SLC35F3: variants seen among roughly 807,000 people sequenced by gnomAD.
SLC35F3 encodes the protein solute carrier family 35 member F3.
In SLC35F3, 25 loss-of-function variants were observed where a neutral mutation model predicts 49.9. That is an observed-to-expected ratio of 0.50 (90% confidence interval 0.37 to 0.70). SLC35F3 has a LOEUF of 0.70. SLC35F3 is among the 30% of genes least tolerant of loss of function. The pLI is 0.00. For missense variants in SLC35F3, 525 were observed against 639.8 expected (o/e 0.82, Z 1.94); for synonymous variants, 275 against 265.4 (o/e 1.04, Z -0.35).
chr1:234,283,010 G>C (rs1047655458), intron 3 of SLC35F3, among the ~76,000 whole-genome samples: 2 of 152,338 alleles, frequency 1.3e-5, no homozygotes, highest in African/African-American at 4.8e-5. Flanking sequence ...ACGAGGTGCT[G>C]TTCTTTCTTA....
At chr1:233,937,093 CA>C (rs1355612331) in intron 2 of SLC35F3, among the ~76,000 whole-genome samples, 1 of 152,134 alleles carries the variant, frequency 6.6e-6, no homozygotes, top group African/African-American at 2.4e-5. Flanking sequence ...ATGAATCTAG[CA>C]GTTCACAACA....
intron 2 of SLC35F3, among the ~76,000 whole-genome samples, chr1:234,074,782 G>C (rs1256570304): frequency 1.3e-5 from 2 of 152,218 alleles, no homozygotes; most frequent in African/African-American, 2.4e-5. Context: ...AATACTTCAA[G>C]TGCATGTTAT....
chr1:234,059,400 AT>A (rs1664505419), intron 2 of SLC35F3, among the ~76,000 whole-genome samples: 1 of 148,900 alleles, frequency 6.7e-6, no homozygotes, highest in Non-Finnish European at 1.5e-5. Flanking sequence ...ATCTCAAAGT[AT>A]TTTCTAATTT....
At chr1:233,910,703 G>A (rs566469491) in intron 2 of SLC35F3, among the ~76,000 whole-genome samples, 3 of 152,262 alleles carry the variant, frequency 2.0e-5, no homozygotes, top group South Asian at 2.1e-4. Context: ...AACATTTTAC[G>A]AATAGCTTTT....
At chr1:234,287,681 T>A (rs1668444486) in intron 3 of SLC35F3, among the ~76,000 whole-genome samples, 1 of 152,160 alleles carries the variant, frequency 6.6e-6, no homozygotes, top group Non-Finnish European at 1.5e-5. Context: ...CAAGTCAGTA[T>A]CCTACCCAGG....
At chr1:234,114,569 G>C (rs1193586519) in intron 2 of SLC35F3, among the ~76,000 whole-genome samples, 2 of 152,218 alleles carry the variant, frequency 1.3e-5, no homozygotes, top group African/African-American at 4.8e-5. Flanking sequence ...TTCTCCACTT[G>C]TGTTCATGTA....
At chr1:233,939,785 A>C (rs866199203) in intron 2 of SLC35F3, among the ~76,000 whole-genome samples, 2 of 152,204 alleles carry the variant, frequency 1.3e-5, no homozygotes, top group Non-Finnish European at 2.9e-5. Flanking sequence ...AGAATGGTTC[A>C]CTTAAGCTTT....
At position 234,046,271 on chromosome 1, in the gene SLC35F3, C is replaced by T. The variant is rs1664290791; in HGVS notation, c.283+140513C>T. On this transcript the variant is annotated intron_variant, in intron 2 of 7. Coordinates refer to ENST00000366618, the MANE Select transcript of SLC35F3 (RefSeq NM_173508.4). The surrounding 1 kb of genome is among the most constrained non-coding windows in gnomAD (Gnocchi z 4.4). ...GTTTAAAGGCTCACTATTCTATATT[C>T]TTACTAACACCTGCTATTGAAGATT... Among the ~76,000 whole-genome samples the T allele has an allele frequency of 6.6e-6, 1 of 152,156 alleles. No individual in the cohort carries two copies. The highest frequency in any genetic ancestry group is 6.5e-5 in the Admixed American group (1 of 15,278).
At chr1:234,127,330 T>A (rs1470136060) in intron 2 of SLC35F3, among the ~76,000 whole-genome samples, 1 of 152,234 alleles carries the variant, frequency 6.6e-6, no homozygotes, top group African/African-American at 2.4e-5. Flanking sequence ...CATTCATTAT[T>A]TTATCTCATC....
chr1:234,018,082 G>A (rs1044256942), intron 2 of SLC35F3, among the ~76,000 whole-genome samples: 1 of 152,046 alleles, frequency 6.6e-6, no homozygotes, highest in South Asian at 2.1e-4. Flanking sequence ...AGAAGGCAGA[G>A]GCCTTCTTTG....
chr1:233,930,227 T>A (rs1282769126), intron 2 of SLC35F3, among the ~76,000 whole-genome samples: 1 of 151,914 alleles, frequency 6.6e-6, no homozygotes, highest in Non-Finnish European at 1.5e-5. Flanking sequence ...CTGAGAGTTG[T>A]CACTTTGAGA....
At chr1:234,050,455 C>G (rs1160566250) in intron 2 of SLC35F3, among the ~76,000 whole-genome samples, 1 of 152,194 alleles carries the variant, frequency 6.6e-6, no homozygotes, top group Non-Finnish European at 1.5e-5. Flanking sequence ...AGTGTCTGTT[C>G]ATATCCTTTG....
chr1:234,234,194 T>C (rs1386200376), intron 3 of SLC35F3, among the ~76,000 whole-genome samples: 1 of 152,214 alleles, frequency 6.6e-6, no homozygotes, highest in Non-Finnish European at 1.5e-5. Flanking sequence ...GATGAGTCTC[T>C]TGGCTAAAAG....
At chr1:233,984,507 G>T (rs762809882) in intron 2 of SLC35F3, among the ~76,000 whole-genome samples, 1 of 152,226 alleles carries the variant, frequency 6.6e-6, no homozygotes, top group East Asian at 1.9e-4. Context: ...AAATCAATAC[G>T]TGGAGGTTAC....
chr1:233,917,167 G>T (rs1661986977), intron 2 of SLC35F3, among the ~76,000 whole-genome samples: 1 of 152,106 alleles, frequency 6.6e-6, no homozygotes, highest in African/African-American at 2.4e-5. Flanking sequence ...CTTTGTCTTG[G>T]AGCCCTCTCA....
At chr1:234,141,292 C>G (rs1253520828) in intron 2 of SLC35F3, among the ~76,000 whole-genome samples, 1 of 152,144 alleles carries the variant, frequency 6.6e-6, no homozygotes, top group Admixed American at 6.5e-5. Context: ...TTCAGTATGG[C>G]TCCAGCTCTA....
intron 2 of SLC35F3, among the ~76,000 whole-genome samples, chr1:234,014,596 A>G (rs1246330329): frequency 6.6e-6 from 1 of 152,228 alleles, no homozygotes; most frequent in Admixed American, 6.5e-5. Flanking sequence ...ACTCCACCCA[A>G]AAACTGTTAG....
At chr1:234,154,324 A>T (rs1666119444) in intron 2 of SLC35F3, among the ~76,000 whole-genome samples, 1 of 152,206 alleles carries the variant, frequency 6.6e-6, no homozygotes, top group Non-Finnish European at 1.5e-5. Flanking sequence ...AGTTAAGCAC[A>T]CACCCTAATG....
At chr1:234,298,387 GT>G (rs1668638434) in intron 3 of SLC35F3, among the ~76,000 whole-genome samples, 1 of 152,136 alleles carries the variant, frequency 6.6e-6, no homozygotes. Flanking sequence ...GCCAATGAAA[GT>G]TTTTGAGCAA....
Sources: allele counts gnomAD v4.1 joint callset (sites outside exome capture counted in the v4.1 genomes callset), GRCh38; gene constraint gnomAD v4.1.1; non-coding constraint Gnocchi (gnomAD v3.1); transcripts MANE v1.5; gene names NCBI Gene and HGNC (gene_info 2026-07-23, HGNC 2026-07-21).